TENM4: variants seen among roughly 807,000 people sequenced by gnomAD.
TENM4 encodes the protein teneurin transmembrane protein 4.
Under a neutral mutation model 243.3 loss-of-function variants are expected in TENM4, and 82 were observed. The ratio of observed to expected loss-of-function variants is 0.34; its 90% confidence interval spans 0.28 to 0.40. The LOEUF (loss-of-function observed/expected upper bound fraction) is 0.40, where lower values mean the gene tolerates loss of function less well. TENM4 is among the 10% of genes least tolerant of loss of function. The pLI, the probability that TENM4 is intolerant of heterozygous loss-of-function variation, is 1.00. For missense variants in TENM4, 3,138 were observed against 3,673.3 expected (o/e 0.85, Z 3.77); for synonymous variants, 1,412 against 1,456.3 (o/e 0.97, Z 0.69).
intron 1 of TENM4, among the ~76,000 whole-genome samples, chr11:79,430,041 G>A (rs1019149651): frequency 2.9e-4 from 44 of 152,036 alleles, no homozygotes; most frequent in African/African-American, 9.2e-4. Context: ...AAATTTGGGA[G>A]GAGACCTTGT....
At chr11:79,192,528 G>A (rs1863537420) in intron 3 of TENM4, among the ~76,000 whole-genome samples, 1 of 152,082 alleles carries the variant, frequency 6.6e-6, no homozygotes, top group South Asian at 2.1e-4. Context: ...TGGATTAAGG[G>A]CGGTGCAAGA....
At chr11:79,213,495 T>G (rs1863990565) in intron 3 of TENM4, among the ~76,000 whole-genome samples, 1 of 152,202 alleles carries the variant, frequency 6.6e-6, no homozygotes, top group African/African-American at 2.4e-5. Context: ...CAGAAAGAAC[T>G]GGCCTGGGAG....
chr11:79,310,137 G>A (rs1350924530), intron 1 of TENM4, among the ~76,000 whole-genome samples: 1 of 152,180 alleles, frequency 6.6e-6, no homozygotes, highest in Admixed American at 6.5e-5. Context: ...GCCCAGCACA[G>A]GCCCCGGCAC....
chr11:78,746,323 G>A (rs1856050618), intron 19 of TENM4, among the ~76,000 whole-genome samples: 1 of 152,236 alleles, frequency 6.6e-6, no homozygotes, highest in Non-Finnish European at 1.5e-5. Context: ...GCACTTACTA[G>A]TGTCTTCAGG....
intron 6 of TENM4, among the ~76,000 whole-genome samples, chr11:79,038,818 A>G (rs768477174): frequency 1.3e-5 from 2 of 152,236 alleles, no homozygotes; most frequent in Non-Finnish European, 2.9e-5. Flanking sequence ...GGTAGGTTGC[A>G]AGAAGCCTAG....
chr11:79,181,864 A>G (rs1398608622), intron 3 of TENM4, among the ~76,000 whole-genome samples: 3 of 152,060 alleles, frequency 2.0e-5, no homozygotes, highest in Non-Finnish European at 4.4e-5. Context: ...GCACCACCCA[A>G]ATGAAATACT....
chr11:79,147,947 C>T (rs1245910510), intron 4 of TENM4, among the ~76,000 whole-genome samples: 1 of 152,012 alleles, frequency 6.6e-6, no homozygotes, highest in East Asian at 1.9e-4. Context: ...CAAAACGATC[C>T]AAGTGGAGGT....
rs117137749 is a variant in TENM4 at position 78,800,812 on chromosome 11, C to A, written c.2179+4480G>T. 3.8e-3 allele frequency among the ~76,000 whole-genome samples: 576 copies of A among 151,082 alleles called. 2 individuals carry two copies. Among genetic ancestry groups the A allele is most frequent in the Non-Finnish European group, 5.0e-3 (336 of 67,850 alleles). On this transcript the variant is annotated intron_variant, in intron 15 of 33. Coordinates refer to ENST00000278550, the MANE Select transcript of TENM4 (RefSeq NM_001098816.3). ...AATATAACATAGTGTTTAGGAGAGA[C>A]CTTGGAGCCAGATGTGGTTTGAATC... is the stretch of plus-strand genomic sequence containing the variant.
rs375537171 is a variant in TENM4, at chr11:79,008,315, T to A, written c.493+56423A>T. ...TTCCTTAGCAGGCGGTCCCTGGTGATTGCAAAGACAAATGGGTCCTACTCG... is the reference window on the plus strand; with the variant it reads ...TTCCTTAGCAGGCGGTCCCTGGTGAATGCAAAGACAAATGGGTCCTACTCG... On this transcript the variant is annotated intron_variant, in intron 6 of 33. Transcript: ENST00000278550. Among the ~76,000 whole-genome samples the A allele has an allele frequency of 2.8e-4, 42 of 152,320 alleles. No homozygotes were observed. The South Asian group carries it at 8.1e-3, about 29-fold the overall frequency.
intron 6 of TENM4, chr11:78,924,550 G>A (rs1166285779): frequency 4.6e-5 from 7 of 152,196 alleles, no homozygotes; most frequent in Non-Finnish European, 7.3e-5. Flanking sequence ...ACTAGAAAAT[G>A]AAGGCAAGAA....
intron 19 of TENM4, chr11:78,749,348 T>C (rs1240333656): frequency 9.2e-5 from 13 of 140,742 alleles, no homozygotes; most frequent in Non-Finnish European, 1.5e-4. Flanking sequence ...TTTATCATTG[T>C]CTTTCTTTCC....
At chr11:79,274,411 C>G (rs1856018995) in intron 2 of TENM4, among the ~76,000 whole-genome samples, 1 of 152,212 alleles carries the variant, frequency 6.6e-6, no homozygotes, top group Non-Finnish European at 1.5e-5. Flanking sequence ...TCCACAAAAT[C>G]AACTAAATCA....
intron 6 of TENM4, among the ~76,000 whole-genome samples, chr11:78,969,343 A>G (rs191045624): frequency 1.3e-5 from 2 of 152,340 alleles, no homozygotes; most frequent in Admixed American, 1.3e-4. Flanking sequence ...TGCAGAAACA[A>G]TTTCTGTTAC....
intron 6 of TENM4, among the ~76,000 whole-genome samples, chr11:78,990,050 G>A (rs1331357736): frequency 1.4e-5 from 2 of 146,610 alleles, no homozygotes; most frequent in Non-Finnish European, 2.9e-5. Flanking sequence ...GGTGACAGGA[G>A]TGAGGCTTTG....
chr11:78,660,960 C>A (rs761408100), intron 33 of TENM4, among the ~76,000 whole-genome samples: 1 of 152,196 alleles, frequency 6.6e-6, no homozygotes, highest in Non-Finnish European at 1.5e-5. Flanking sequence ...AGAACAGGCA[C>A]ATCTGGGTTT....
intron 6 of TENM4, among the ~76,000 whole-genome samples, chr11:78,991,372 G>A (rs1306194617): frequency 1.3e-5 from 2 of 152,094 alleles, no homozygotes; most frequent in East Asian, 1.9e-4. Flanking sequence ...TAGGTTACTC[G>A]AAGGTCTCAG....
At chr11:79,372,117 T>A (rs1052956725) in intron 1 of TENM4, among the ~76,000 whole-genome samples, 1 of 152,126 alleles carries the variant, frequency 6.6e-6, no homozygotes. Context: ...TCACCAAAAG[T>A]TTGGAATAGA....
At chr11:79,161,187 G>A (rs1483839875) in intron 3 of TENM4, among the ~76,000 whole-genome samples, 1 of 152,164 alleles carries the variant, frequency 6.6e-6, no homozygotes, top group Non-Finnish European at 1.5e-5. Flanking sequence ...GGCCACCACT[G>A]TTCTGATCTC....
At chr11:78,945,753 C>T (rs1856991849) in intron 6 of TENM4, among the ~76,000 whole-genome samples, 1 of 152,090 alleles carries the variant, frequency 6.6e-6, no homozygotes, top group Non-Finnish European at 1.5e-5. Flanking sequence ...GCAAAACAGC[C>T]TTTTTGCTGT....
Sources: gnomAD v4.1 joint callset for allele counts (sites outside exome capture counted in the v4.1 genomes callset) on GRCh38, gnomAD v4.1.1 for gene constraint, MANE v1.5 for transcripts, NCBI Gene and HGNC (gene_info 2026-07-23, HGNC 2026-07-21) for gene names.